The following REV1 variants were observed in gnomAD, a reference collection of about 807,000 sequenced individuals.
REV1 encodes translesion synthesis protein REV1.
Under a neutral mutation model 137.4 loss-of-function variants are expected in REV1, and 42 were observed. That is an observed-to-expected ratio of 0.31 (90% CI 0.24 to 0.40). The LOEUF is 0.40. REV1 is among the 10% of genes least tolerant of loss of function. REV1 has a pLI of 1.00. For missense variants in REV1, 1,282 were observed against 1,490.1 expected (o/e 0.86, Z 2.30); for synonymous variants, 524 against 519.2 (o/e 1.01, Z -0.12).
chr2:99,415,279 A>G (rs1028292366), intron 12 of REV1, among the ~76,000 whole-genome samples: 2 of 152,226 alleles, frequency 1.3e-5, no homozygotes, highest in African/African-American at 4.8e-5. Flanking sequence ...CCACCTATTA[A>G]GGAAAAGGTG....
At chr2:99,460,137 C>T (rs1320853889) in intron 3 of REV1, among the ~76,000 whole-genome samples, 4 of 152,116 alleles carry the variant, frequency 2.6e-5, no homozygotes, top group African/African-American at 9.7e-5. Context: ...AGTGCAGTGG[C>T]GCAATCTCGG....
chr2:99,474,780 T>C (rs1222384036), intron 1 of REV1, among the ~76,000 whole-genome samples: 1 of 152,058 alleles, frequency 6.6e-6, no homozygotes, highest in Non-Finnish European at 1.5e-5. Context: ...CAGGAACCTG[T>C]AATCCCAGCT....
In REV1 at chr2:99,441,274, C is replaced by G. The variant is rs547483121; in HGVS notation, c.503+1043G>C. 1.8e-4 allele frequency among the ~76,000 whole-genome samples: 28 copies of G among 152,004 alleles called. 1 individual carries two copies. The highest frequency in any genetic ancestry group is 1.7e-3 in the South Asian group (8 of 4,818). ...AAATGACAACAAAAATTACAGAAGG[C>G]AGTGATACTGGATCCTCTCAGATTA... On this transcript the variant is annotated intron_variant, in intron 5 of 22. Coordinates refer to ENST00000258428, the MANE Select transcript of REV1 (RefSeq NM_016316.4).
chr2:99,463,916 G>A (rs755294241), intron 2 of REV1, among the ~76,000 whole-genome samples: 5 of 152,078 alleles, frequency 3.3e-5, no homozygotes, highest in Non-Finnish European at 5.9e-5. Context: ...GAGCCACCAC[G>A]CCCAACCTCA....
In REV1 at chr2:99,449,519, T is replaced by C. The variant is rs1682673123; in HGVS notation, c.182-15A>G. On this transcript the variant is annotated splice_polypyrimidine_tract_variant and intron_variant, in intron 3 of 22. Coordinates refer to ENST00000258428, the MANE Select transcript of REV1 (RefSeq NM_016316.4). ...AGCGGAAGGATCTGCAAAATTTATA[T>C]TAAAATATATTAAGAGTCTTATGTG... 3 of 1,342,908 alleles carry C rather than the reference T, an allele frequency of 2.2e-6. No homozygotes were observed. The highest frequency in any genetic ancestry group is 3.0e-6 in the Non-Finnish European group (3 of 1,015,556). 83.2% of individuals were successfully genotyped at this position (1,342,908 alleles called of 1,614,324 possible).
chr2:99,416,266 A>T (rs562640613), intron 12 of REV1, among the ~76,000 whole-genome samples: 38 of 152,360 alleles, frequency 2.5e-4, no homozygotes, highest in Admixed American at 1.2e-3. Flanking sequence ...TTTAACAAAG[A>T]TAAATAGGTT....
At chr2:99,403,918 T>G in intron 18 of REV1, 103 bp from the exon 19 acceptor site, 1 of 1,398,692 alleles carries the variant, frequency 7.1e-7, no homozygotes, top group South Asian at 1.3e-5. Flanking sequence ...CTCACTTTTC[T>G]GATCTGTACG....
intron 3 of REV1, among the ~76,000 whole-genome samples, chr2:99,453,892 C>CAAAAAA (rs58291328): frequency 1.0e-4 from 5 of 47,988 alleles, no homozygotes; most frequent in African/African-American, 2.5e-4. Flanking sequence ...GGCTCTGTCT[C>CAAAAAA]AAAAAAAAAA....
intron 1 of REV1, among the ~76,000 whole-genome samples, chr2:99,480,716 A>G (rs949809693): frequency 3.9e-5 from 6 of 152,220 alleles, no homozygotes; most frequent in Non-Finnish European, 7.3e-5. Flanking sequence ...ACCTGCTATC[A>G]GTTCCAGCAT....
chr2:99,414,308 G>C (rs930095223), intron 12 of REV1, among the ~76,000 whole-genome samples: 1 of 152,218 alleles, frequency 6.6e-6, no homozygotes, highest in Non-Finnish European at 1.5e-5. Flanking sequence ...AGTCATCAAT[G>C]TGGGTCAGAC....
intron 4 of REV1, among the ~76,000 whole-genome samples, chr2:99,447,315 G>A (rs1450809107): frequency 6.6e-6 from 1 of 152,030 alleles, no homozygotes; most frequent in East Asian, 1.9e-4. Context: ...TGGGACTACA[G>A]GCGCGCGCCA....
intron 18 of REV1, 59 bp downstream of exon 18, chr2:99,404,385 T>C: frequency 7.1e-7 from 1 of 1,400,886 alleles, no homozygotes; most frequent in Non-Finnish European, 1.0e-6. Flanking sequence ...AGGTCCTAAG[T>C]TGGAGCAGGG....
chr2:99,405,342 G>C (rs1453877425), intron 17 of REV1: 1 of 152,712 alleles, frequency 6.5e-6, no homozygotes, highest in Non-Finnish European at 1.5e-5. Context: ...AAGCATATCA[G>C]CATTGCCCTT....
In REV1 at chr2:99,487,907, G is replaced by A. The variant is rs1687295633; in HGVS notation, c.-11+1910C>T. On this transcript the variant is annotated intron_variant, in intron 1 of 22. Transcript: ENST00000258428. Reference sequence around the variant, plus strand: ...ACCAAAGGGAATATGTATTTACTGAGCACCTCCTGAGTACCATGGTGTCAC... The same window carrying A: ...ACCAAAGGGAATATGTATTTACTGAACACCTCCTGAGTACCATGGTGTCAC... Among the ~76,000 whole-genome samples the A allele has an allele frequency of 1.7e-5, 2 of 118,316 alleles. 1 individual carries two copies. The highest frequency in any genetic ancestry group is 3.7e-5 in the Non-Finnish European group (2 of 54,480). The allele number at this position is 118,316 out of a possible 152,430, so 77.6% of individuals were successfully genotyped here.
At chr2:99,481,802 GA>G (rs1428386135) in intron 1 of REV1, among the ~76,000 whole-genome samples, 13 of 152,206 alleles carry the variant, frequency 8.5e-5, no homozygotes, top group Admixed American at 8.5e-4. Context: ...CTGAAAGCTG[GA>G]GGCTACAGTG....
At chr2:99,486,987 T>C (rs1024022862) in intron 1 of REV1, among the ~76,000 whole-genome samples, 3 of 151,892 alleles carry the variant, frequency 2.0e-5, no homozygotes, top group Non-Finnish European at 4.4e-5. Flanking sequence ...GAATAAAAGA[T>C]TATAAAGGAA....
chr2:99,489,234 C>T (rs989767913), intron 1 of REV1, among the ~76,000 whole-genome samples: 1 of 152,174 alleles, frequency 6.6e-6, no homozygotes, highest in African/African-American at 2.4e-5. Flanking sequence ...CAACAACCGC[C>T]TTCGGACATT....
intron 3 of REV1, among the ~76,000 whole-genome samples, chr2:99,454,055 T>C (rs1390292319): frequency 6.6e-6 from 1 of 151,728 alleles, no homozygotes; most frequent in Non-Finnish European, 1.5e-5. Flanking sequence ...AGAGACAGGG[T>C]CTGGCTCTGT....
At chr2:99,456,495 T>C (rs779228114) in intron 3 of REV1, among the ~76,000 whole-genome samples, 11 of 152,158 alleles carry the variant, frequency 7.2e-5, no homozygotes, top group Non-Finnish European at 8.8e-5. Flanking sequence ...AAAGGTAACA[T>C]TTGAGCAGAG....
Sources: allele counts gnomAD v4.1 joint callset (sites outside exome capture counted in the v4.1 genomes callset), GRCh38; gene constraint gnomAD v4.1.1; transcripts MANE v1.5; gene names NCBI Gene and HGNC (gene_info 2026-07-23, HGNC 2026-07-21).